NTMT1: variants seen among roughly 807,000 people sequenced by gnomAD.
NTMT1 encodes the protein N-terminal Xaa-Pro-Lys N-methyltransferase 1.
In NTMT1, 8 loss-of-function variants were observed where a neutral mutation model predicts 17.5. The ratio of observed to expected loss-of-function variants is 0.46; its 90% CI spans 0.27 to 0.82. The LOEUF (loss-of-function observed/expected upper bound fraction) is 0.82, where lower values mean the gene tolerates loss of function less well. NTMT1 is among the 40% of genes least tolerant of loss of function. NTMT1 has a pLI of 0.15. For synonymous variants in NTMT1, 128 were observed against 126.8 expected, an observed-to-expected ratio of 1.01 and a Z score of -0.06; for missense variants, 221 against 303.5, an observed-to-expected ratio of 0.73 and a Z score of 2.02.
chr9:129,612,395 C>A (rs1423140029), intron 1 of NTMT1: 2 of 1,613,916 alleles, frequency 1.2e-6, no homozygotes, highest in Non-Finnish European at 1.7e-6. Flanking sequence ...GGAGATGGTA[C>A]CCCTTAGGGC....
At chr9:129,615,270 A>C (rs114400435) in intron 1 of NTMT1, among the ~76,000 whole-genome samples, 2,411 of 152,264 alleles carry the variant, frequency 0.016, 60 homozygotes, top group African/African-American at 0.054. Context: ...CTGCGTTGGA[A>C]CACCTCCACT....
chr9:129,622,309 A>G (rs1291681902), upstream of NTMT1, among the ~76,000 whole-genome samples: 1 of 152,196 alleles, frequency 6.6e-6, no homozygotes, highest in African/African-American at 2.4e-5. Flanking sequence ...CCTGGCCAAC[A>G]TGGTGAAACC....
Position 129,613,883 on chromosome 9 carries a change from A to G in NTMT1, c.-55+4705A>G, listed in dbSNP as rs560188064. ...GTGGGGAGACCACTTACCCCATCAT[A>G]GAAATCCCAGAAACCATGCTGAGAG... On this transcript the variant is annotated intron_variant, in intron 1 of 3. Coordinates refer to the NTMT1 transcript ENST00000372486. The surrounding 1 kb of genome is among the most constrained non-coding windows in gnomAD (Gnocchi z 6.2). Among the ~76,000 whole-genome samples, 1 of 152,322 alleles carries G rather than the reference A, an allele frequency of 6.6e-6. No individual in the cohort carries two copies. Among genetic ancestry groups the G allele is most frequent in the African/African-American group, 2.4e-5 (1 of 41,570 alleles).
At chr9:129,635,007 T>C in intron 3 of NTMT1, 2 of 625,736 alleles carry the variant, frequency 3.2e-6, no homozygotes, top group South Asian at 4.1e-5. Flanking sequence ...TGTCTTTAGG[T>C]AGATGACCTC....
At chr9:129,618,017 T>G (rs116290631) in intron 1 of NTMT1, among the ~76,000 whole-genome samples, 1,856 of 152,300 alleles carry the variant, frequency 0.012, 40 homozygotes, top group African/African-American at 0.041. Context: ...CCCTGATCCA[T>G]CAGGAGTATC....
chr9:129,631,347 A>G (rs1326016834), intron 1 of NTMT1, among the ~76,000 whole-genome samples: 1 of 152,198 alleles, frequency 6.6e-6, no homozygotes, highest in African/African-American at 2.4e-5. Flanking sequence ...AACAGCCCCT[A>G]AGCGTGGTGT....
Position 129,632,720 on chromosome 9 carries a change from TAGA to T in NTMT1, c.21_23del (p.Glu7del). 3 of 1,614,050 alleles carry T rather than the reference TAGA, an allele frequency of 1.9e-6. No individual in the cohort carries two copies. Among genetic ancestry groups the T allele is most frequent in the Non-Finnish European group, 2.5e-6 (3 of 1,179,980 alleles). ...GGTGACAGCATGACGAGCGAGGTGA[TAGA>T]AGACGAGAAGCAATTCTATTCCAAG... On this transcript the variant is annotated inframe_deletion, in exon 2 of 4. Transcript: ENST00000372483.
At chr9:129,623,258 A>T (rs551630099), upstream of NTMT1, among the ~76,000 whole-genome samples, 8 of 143,630 alleles carry the variant, frequency 5.6e-5, no homozygotes, top group Non-Finnish European at 7.6e-5. Flanking sequence ...GCGTGAACCC[A>T]GGAGGCGGAG....
chr9:129,635,005 G>C, intron 3 of NTMT1: 1 of 622,500 alleles, frequency 1.6e-6, no homozygotes, highest in Non-Finnish European at 2.8e-6. Context: ...TGTGTCTTTA[G>C]GTAGATGACC....
intron 2 of NTMT1, 52 bp from the exon 3 acceptor site, chr9:129,634,001 CG>C: frequency 1.3e-6 from 2 of 1,572,130 alleles, no homozygotes; most frequent in Non-Finnish European, 1.7e-6. Flanking sequence ...GAGGAAGGGC[CG>C]CACGTGCGGT....
At chr9:129,628,896 A>C (rs74614035) in intron 1 of NTMT1, among the ~76,000 whole-genome samples, 1,550 of 152,340 alleles carry the variant, frequency 0.01, 18 homozygotes, top group African/African-American at 0.031. Context: ...CAGTTTGCCA[A>C]GTTGGGCGGT....
chr9:129,633,147 C>T (rs1564348750), intron 2 of NTMT1: 1 of 481,692 alleles, frequency 2.1e-6, no homozygotes. Context: ...TTGCCAGGGA[C>T]GAAACCCTTG....
upstream of NTMT1, among the ~76,000 whole-genome samples, chr9:129,623,160 T>C (rs1047538859): frequency 2.0e-5 from 3 of 151,956 alleles, no homozygotes; most frequent in Admixed American, 1.3e-4. Flanking sequence ...GGTGAAACCC[T>C]GTCTCTACTA....
chr9:129,618,190 C>T (rs890936976), intron 1 of NTMT1, among the ~76,000 whole-genome samples: 69 of 152,306 alleles, frequency 4.5e-4, no homozygotes, highest in African/African-American at 1.5e-3. Context: ...ACCCTTCACC[C>T]CTGCTTAAGC....
chr9:129,620,110 C>T lies in NTMT1; in HGVS notation c.-55+10932C>T. 1 of 1,452,100 alleles carries T rather than the reference C, an allele frequency of 6.9e-7. No homozygotes were observed. The allele number at this position is 1,452,100 out of a possible 1,614,324, so 90.0% of individuals were successfully genotyped here. A position where few individuals can be genotyped will look rare whatever the true frequency, so the allele number is the denominator to read the frequency against. ...CGGCGCACTTCTCCTGGAGCTGGTG[C>T]AGGAACTCACGGAACCTGCTGGGGA... On this transcript the variant is annotated intron_variant, in intron 1 of 3. Transcript: ENST00000372486. This position sits in a 1 kb window ranked among gnomAD's most constrained non-coding sequence, Gnocchi z 5.8.
At chr9:129,622,829 A>G (rs911302541), upstream of NTMT1, among the ~76,000 whole-genome samples, 2 of 152,090 alleles carry the variant, frequency 1.3e-5, no homozygotes, top group African/African-American at 2.4e-5. Flanking sequence ...GGAGTTCGCA[A>G]TCAGCCTGGG....
Position 129,635,013 on chromosome 9 carries a change from AC to A in NTMT1, c.416-193del, listed in dbSNP as rs1477861154. 1.4e-5 allele frequency: 9 copies of A among 641,120 alleles called. No individual in the cohort carries two copies. In the East Asian group the frequency reaches 2.5e-4, roughly 18 times the overall value. The allele number at this position is 641,120 out of a possible 1,614,324, so 39.7% of individuals were successfully genotyped here. A position where few individuals can be genotyped will look rare whatever the true frequency, so the allele number is the denominator to read the frequency against. On this transcript the variant is annotated intron_variant, in intron 3 of 3. Transcript: ENST00000372483. ...GGCTTAATGTGTCTTTAGGTAGATG[AC>A]CTCTGAGCCACAGTTTCCTATTCTA...
chr9:129,618,160 A>G (rs1430775791), intron 1 of NTMT1, among the ~76,000 whole-genome samples: 1 of 151,998 alleles, frequency 6.6e-6, no homozygotes, highest in Admixed American at 6.6e-5. Context: ...TGGTCTTTAA[A>G]CTCATGGGCA....
chr9:129,627,039 G>T (rs747332780), intron 1 of NTMT1, among the ~76,000 whole-genome samples: 4 of 152,248 alleles, frequency 2.6e-5, no homozygotes, highest in Non-Finnish European at 5.9e-5. Flanking sequence ...AGGAACCAGG[G>T]CTGGTATAAG....
Sources: gnomAD v4.1 joint callset for allele counts (sites outside exome capture counted in the v4.1 genomes callset) on GRCh38, gnomAD v4.1.1 for gene constraint, Gnocchi (gnomAD v3.1) non-coding constraint, MANE v1.5 for transcripts, NCBI Gene and HGNC (gene_info 2026-07-23, HGNC 2026-07-21) for gene names.